SPTLC1: variants seen among roughly 807,000 people sequenced by gnomAD.
SPTLC1 encodes serine palmitoyltransferase 1.
SPTLC1 carries 55 observed loss-of-function variants against 68.9 expected under a neutral mutation model. That is an observed-to-expected ratio of 0.80 (90% CI 0.64 to 1.00). The LOEUF is 1.00. Ranked by LOEUF, SPTLC1 falls within the 50% of genes least tolerant of loss-of-function variation. The pLI is 0.00. For missense variants in SPTLC1, 449 were observed against 573.1 expected (o/e 0.78, Z 2.21); for synonymous variants, 197 against 201.6 (o/e 0.98, Z 0.19).
chr9:92,112,507 A>T lies in SPTLC1; in HGVS notation c.113T>A (p.Leu38His), dbSNP rs1478177125. The T allele has an allele frequency of 6.2e-7, 1 of 1,611,360 alleles. No individual in the cohort carries two copies. The highest frequency in any genetic ancestry group is 1.7e-5 in the Admixed American group (1 of 60,020). The change falls in exon 2 of 15, where the codon CTT becomes CAT. Residue 38 changes from leucine to histidine, a missense_variant. Leu to His is a moderately conservative substitution (Grantham distance 99). Coordinates refer to ENST00000262554, the MANE Select transcript of SPTLC1 (RefSeq NM_006415.4). ...TAATTTGTAAGTCTTAGAGAAAAGA[A>T]GTCTGATTATCCAGAGGATCAGAAT... ...EGILILWIIR[L>H]LFSKTYKLQE...
chr9:92,039,225 T>C (rs907189683), intron 12 of SPTLC1, among the ~76,000 whole-genome samples: 8 of 152,206 alleles, frequency 5.3e-5, no homozygotes, highest in African/African-American at 1.9e-4. Context: ...AACGTCCTTA[T>C]TTGCATGTTA....
At chr9:92,097,828 G>C (rs972238358) in intron 3 of SPTLC1, among the ~76,000 whole-genome samples, 1 of 152,030 alleles carries the variant, frequency 6.6e-6, no homozygotes, top group Non-Finnish European at 1.5e-5. Flanking sequence ...TATAGATTAC[G>C]TATCAATACA....
rs10992207 is a variant in SPTLC1 at position 92,034,967 on chromosome 9, C to T, written c.1255-84G>A. The T allele has an allele frequency of 0.017, 19,053 of 1,101,816 alleles. 1,494 individuals are homozygous for T. The East Asian group carries it at 0.25, about 14-fold the overall frequency. 68.3% of individuals were successfully genotyped at this position (1,101,816 alleles called of 1,614,324 possible). A position where few individuals can be genotyped will look rare whatever the true frequency, so the allele number is the denominator to read the frequency against. On this transcript the variant is annotated intron_variant, in intron 13 of 14. Transcript: ENST00000262554. ...CTGGGGGAACGCTGAAATCCTGCAA[C>T]GGTAGCTTTAATTCACTTTTCCAAT...
chr9:92,084,296 G>C lies in SPTLC1; in HGVS notation c.261-3333C>G, dbSNP rs566946107. Among the ~76,000 whole-genome samples, 19 of 151,216 alleles carry C rather than the reference G, an allele frequency of 1.3e-4. No homozygotes were observed. The East Asian group carries it at 3.7e-3, about 29-fold the overall frequency. ...ACACTATGTTGAATAGGAGTGGTGA[G>C]AGAGGGCATCCCTGTCTTGTGCCAG... On this transcript the variant is annotated intron_variant, in intron 3 of 14. Transcript: ENST00000262554.
At position 92,032,327 on chromosome 9, in the gene SPTLC1, CA is replaced by C. The variant is rs1379818124; in HGVS notation, c.*137del. The C allele has an allele frequency of 3.9e-6, 6 of 1,551,130 alleles. No homozygotes were observed. Among genetic ancestry groups the C allele is most frequent in the Non-Finnish European group, 4.3e-6 (5 of 1,152,200 alleles). On this transcript the variant is annotated 3_prime_UTR_variant, in exon 15 of 15. Transcript: ENST00000262554. ...CCTTCTCATGGTCACACAATTGGTC[CA>C]TACTGACACCATTTGGTAACAATCC...
At position 92,086,775 on chromosome 9, in the gene SPTLC1, T is replaced by C. The variant is rs1297992740; in HGVS notation, c.261-5812A>G. ...TGTGGTGTTCTCTGTATTTCCTGAATCTGAATGTTGGCCTGCCTTGCTAGA... is the reference window on the plus strand; with the variant it reads ...TGTGGTGTTCTCTGTATTTCCTGAACCTGAATGTTGGCCTGCCTTGCTAGA... On this transcript the variant is annotated intron_variant, in intron 3 of 14. Transcript: ENST00000262554. 8.4e-4 allele frequency among the ~76,000 whole-genome samples: 128 copies of C among 152,304 alleles called. 1 individual carries two copies. Among genetic ancestry groups the C allele is most frequent in the Non-Finnish European group, 3.1e-4 (21 of 68,022 alleles).
At chr9:92,092,297 C>T (rs145573136) in intron 3 of SPTLC1, among the ~76,000 whole-genome samples, 4 of 152,184 alleles carry the variant, frequency 2.6e-5, no homozygotes, top group African/African-American at 9.6e-5. Context: ...AAGCTATCAT[C>T]CAGAACATGT....
intron 3 of SPTLC1, among the ~76,000 whole-genome samples, chr9:92,088,213 C>A (rs1835229267): frequency 6.6e-6 from 1 of 152,262 alleles, no homozygotes; most frequent in South Asian, 2.1e-4. Flanking sequence ...TAAGGCAATG[C>A]CTCACCCTGC....
chr9:92,037,164 C>G (rs944054806), intron 13 of SPTLC1, among the ~76,000 whole-genome samples: 2 of 152,216 alleles, frequency 1.3e-5, no homozygotes, highest in African/African-American at 4.8e-5. Context: ...TGCCTGCACA[C>G]CCGGTCTGTA....
rs114651653 is a variant in SPTLC1 at position 92,041,089 on chromosome 9, G to A, written c.1137-2724C>T. On this transcript the variant is annotated intron_variant, in intron 12 of 14. Coordinates refer to ENST00000262554, the MANE Select transcript of SPTLC1 (RefSeq NM_006415.4). ...ACAGAGCAATCACCAAGGTAGCCAC[G>A]GTCTCCACTGTGTGCTTACAGTCTA... is the stretch of plus-strand genomic sequence containing the variant. Among the ~76,000 whole-genome samples, 1,438 of 152,186 alleles carry A rather than the reference G, an allele frequency of 9.4e-3. 31 individuals carry two copies. The highest frequency in any genetic ancestry group is 0.03 in the African/African-American group (1,254 of 41,516).
intron 7 of SPTLC1, among the ~76,000 whole-genome samples, chr9:92,056,022 CA>C (rs371218415): frequency 6.6e-6 from 1 of 152,160 alleles, no homozygotes; most frequent in Non-Finnish European, 1.5e-5. Context: ...GAGAAGGGTA[CA>C]GGGGGCTTCA....
intron 9 of SPTLC1, among the ~76,000 whole-genome samples, chr9:92,048,306 G>A (rs898205232): frequency 6.6e-6 from 1 of 152,092 alleles, no homozygotes; most frequent in Non-Finnish European, 1.5e-5. Context: ...TCATCTTTGG[G>A]TCCAGCCCTC....
At position 92,092,106 on chromosome 9, in the gene SPTLC1, G is replaced by A. The variant is rs578017944; in HGVS notation, c.261-11143C>T. On this transcript the variant is annotated intron_variant, in intron 3 of 14. Coordinates refer to ENST00000262554, the MANE Select transcript of SPTLC1 (RefSeq NM_006415.4). ...TTCATTTACATACCAGACAGAAAAC[G>A]GCTAAGACTGTCAACTATTTGAATA... Among the ~76,000 whole-genome samples the A allele has an allele frequency of 3.9e-5, 6 of 152,212 alleles. No individual in the cohort carries two copies. The South Asian group carries it at 1.0e-3, about 26-fold the overall frequency.
intron 3 of SPTLC1, among the ~76,000 whole-genome samples, chr9:92,096,789 CA>C: frequency 6.6e-6 from 1 of 151,082 alleles, no homozygotes; most frequent in Non-Finnish European, 1.5e-5. Flanking sequence ...TTACAGATGA[CA>C]AAAAAGTACA....
chr9:92,070,961 G>A (rs1302743204), intron 5 of SPTLC1, among the ~76,000 whole-genome samples: 1 of 152,116 alleles, frequency 6.6e-6, no homozygotes, highest in Non-Finnish European at 1.5e-5. Context: ...CTTACAAGGA[G>A]GAGAGATTAC....
At chr9:92,068,781 A>G (rs1834380142) in intron 5 of SPTLC1, among the ~76,000 whole-genome samples, 1 of 152,222 alleles carries the variant, frequency 6.6e-6, no homozygotes, top group South Asian at 2.1e-4. Flanking sequence ...GGCTCCTTAC[A>G]GCCTTTTACC....
intron 3 of SPTLC1, among the ~76,000 whole-genome samples, chr9:92,098,017 G>A (rs1835596565): frequency 6.6e-6 from 1 of 152,168 alleles, no homozygotes; most frequent in South Asian, 2.1e-4. Flanking sequence ...AAGTAACACT[G>A]AATGTAATCT....
intron 2 of SPTLC1, chr9:92,111,991 C>G (rs1376430345): frequency 6.4e-6 from 1 of 157,452 alleles, no homozygotes; most frequent in African/African-American, 2.4e-5. Flanking sequence ...AATTTAACTT[C>G]TATGCTCAGA....
intron 3 of SPTLC1, among the ~76,000 whole-genome samples, chr9:92,087,849 G>A (rs934794098): frequency 2.0e-5 from 3 of 152,262 alleles, no homozygotes; most frequent in African/African-American, 7.2e-5. Flanking sequence ...GCCCCCAGAG[G>A]TGGAGCCTAC....
Sources: gnomAD v4.1 joint callset for allele counts (sites outside exome capture counted in the v4.1 genomes callset) on GRCh38, gnomAD v4.1.1 for gene constraint, MANE v1.5 for transcripts, NCBI Gene and HGNC (gene_info 2026-07-23, HGNC 2026-07-21) for gene names.